FGF12: variants seen among roughly 807,000 people sequenced by gnomAD.
FGF12 encodes the protein fibroblast growth factor 12B.
FGF12 carries 14 observed loss-of-function variants against 23.6 expected under a neutral mutation model. The observed-to-expected ratio is 0.59, with a 90% CI of 0.39 to 0.93. FGF12 has a LOEUF of 0.93. Ranked by LOEUF, FGF12 falls within the 40% of genes least tolerant of loss-of-function variation. FGF12 has a pLI of 0.00. For missense variants in FGF12, 175 were observed against 217.8 expected (o/e 0.80, Z 1.24); for synonymous variants, 62 against 77.3 (o/e 0.80, Z 1.04).
chr3:192,326,903 C>T (rs887741796), intron 4 of FGF12, among the ~76,000 whole-genome samples: 5 of 152,128 alleles, frequency 3.3e-5, no homozygotes, highest in Admixed American at 3.3e-4. Context: ...TTTTGTCACT[C>T]AGCAATAATA....
chr3:192,235,174 G>T (rs868548654), intron 4 of FGF12, among the ~76,000 whole-genome samples: 3 of 152,122 alleles, frequency 2.0e-5, no homozygotes, highest in Middle Eastern at 3.4e-3. Flanking sequence ...CTGGTTCAGG[G>T]TATTTTTTAG....
At chr3:192,591,132 G>C (rs973252509) in intron 2 of FGF12, among the ~76,000 whole-genome samples, 2 of 151,170 alleles carry the variant, frequency 1.3e-5, no homozygotes, top group Non-Finnish European at 3.0e-5. Flanking sequence ...TGAAGAAGGC[G>C]GTATCTATGG....
intron 4 of FGF12, among the ~76,000 whole-genome samples, chr3:192,224,236 T>C (rs1298610011): frequency 6.6e-6 from 1 of 152,166 alleles, no homozygotes; most frequent in Non-Finnish European, 1.5e-5. Context: ...TTCTGTATTA[T>C]GATGATAGTG....
intron 4 of FGF12, among the ~76,000 whole-genome samples, chr3:192,222,444 A>AC (rs374520128): frequency 8.0e-4 from 122 of 152,232 alleles, no homozygotes; most frequent in African/African-American, 2.8e-3. Flanking sequence ...TTCCAGATTA[A>AC]TTTTTTCATT....
rs141276895 is a variant in FGF12, at chr3:192,713,556, A to G, written c.13+13625T>C. Among the ~76,000 whole-genome samples, 645 of 152,326 alleles carry G rather than the reference A, an allele frequency of 4.2e-3. 3 individuals are homozygous for G. The highest frequency in any genetic ancestry group is 0.015 in the African/African-American group (621 of 41,572). On this transcript the variant is annotated intron_variant, in intron 2 of 5. Coordinates refer to ENST00000445105, the MANE Select transcript of FGF12 (RefSeq NM_004113.6). Reference sequence around the variant, plus strand: ...CATTTCTGATGGAATTGAGTATCACAGGAGATTGCAGTGTGTTCCCCAACA... The same window carrying G: ...CATTTCTGATGGAATTGAGTATCACGGGAGATTGCAGTGTGTTCCCCAACA...
intron 2 of FGF12, among the ~76,000 whole-genome samples, chr3:192,403,021 C>T (rs1171358727): frequency 1.3e-5 from 2 of 152,084 alleles, no homozygotes; most frequent in African/African-American, 4.8e-5. Context: ...TAATTCTATA[C>T]ATCAAAAGCA....
intron 4 of FGF12, among the ~76,000 whole-genome samples, chr3:192,293,973 A>T (rs542997592): frequency 6.6e-6 from 1 of 152,148 alleles, no homozygotes; most frequent in East Asian, 1.9e-4. Context: ...CCCATTATTC[A>T]CTCAAGTTGT....
chr3:192,347,376 A>G (rs929397383), intron 3 of FGF12, among the ~76,000 whole-genome samples: 3 of 152,146 alleles, frequency 2.0e-5, no homozygotes, highest in African/African-American at 7.2e-5. Flanking sequence ...TTTTAACACA[A>G]TTACAATGCA....
intron 4 of FGF12, among the ~76,000 whole-genome samples, chr3:192,326,130 T>C (rs2108686772): frequency 6.6e-6 from 1 of 152,222 alleles, no homozygotes; most frequent in East Asian, 1.9e-4. Context: ...GAGATATTAA[T>C]CTATATTAGA....
chr3:192,354,386 G>T (rs149792106), intron 3 of FGF12, among the ~76,000 whole-genome samples: 350 of 151,688 alleles, frequency 2.3e-3, no homozygotes, highest in South Asian at 9.4e-3. Context: ...ATAAATAAAG[G>T]CTTTTTAAAT....
chr3:192,330,611 G>A (rs1717062414), intron 4 of FGF12, among the ~76,000 whole-genome samples: 1 of 152,082 alleles, frequency 6.6e-6, no homozygotes, highest in Non-Finnish European at 1.5e-5. Flanking sequence ...GCTGAGGCAG[G>A]AGAATCGCTT....
At chr3:192,542,585 A>C (rs1230246649) in intron 2 of FGF12, among the ~76,000 whole-genome samples, 4 of 152,062 alleles carry the variant, frequency 2.6e-5, no homozygotes, top group Admixed American at 6.6e-5. Context: ...CTGGGCATTG[A>C]AGAGTTGGGT....
intron 4 of FGF12, among the ~76,000 whole-genome samples, chr3:192,227,936 T>C (rs1718824786): frequency 6.6e-6 from 1 of 152,202 alleles, no homozygotes. Flanking sequence ...TTCTGTATTT[T>C]CTACAAGAGG....
At chr3:192,529,831 C>A (rs1160505012) in intron 2 of FGF12, among the ~76,000 whole-genome samples, 2 of 152,076 alleles carry the variant, frequency 1.3e-5, no homozygotes, top group Non-Finnish European at 2.9e-5. Flanking sequence ...AAAGACCCAC[C>A]CTCATGATTC....
intron 2 of FGF12, among the ~76,000 whole-genome samples, chr3:192,716,596 G>T (rs892009337): frequency 1.3e-5 from 2 of 152,134 alleles, no homozygotes. Context: ...AGGAATCTTA[G>T]GGATTTTAAG....
At chr3:192,569,621 A>T (rs1427682182) in intron 2 of FGF12, among the ~76,000 whole-genome samples, 1 of 152,218 alleles carries the variant, frequency 6.6e-6, no homozygotes, top group Non-Finnish European at 1.5e-5. Flanking sequence ...CTGAAGTAAG[A>T]TTTATCGCAG....
chr3:192,618,335 C>A (rs1714841908), intron 2 of FGF12, among the ~76,000 whole-genome samples: 1 of 151,966 alleles, frequency 6.6e-6, no homozygotes, highest in South Asian at 2.1e-4. Context: ...TGGTACAGGT[C>A]TCTAAGCTCA....
At chr3:192,266,243 G>A (rs1257738861) in intron 4 of FGF12, among the ~76,000 whole-genome samples, 1 of 152,032 alleles carries the variant, frequency 6.6e-6, no homozygotes, top group Non-Finnish European at 1.5e-5. Context: ...CTTGTACTTT[G>A]GTTATGTCTA....
At chr3:192,284,563 ATG>A in intron 4 of FGF12, among the ~76,000 whole-genome samples, 1 of 152,204 alleles carries the variant, frequency 6.6e-6, no homozygotes, top group African/African-American at 2.4e-5. Context: ...GAAGAACAAA[ATG>A]TATTGATCTA....
Sources: gnomAD v4.1 joint callset for allele counts (sites outside exome capture counted in the v4.1 genomes callset) on GRCh38, gnomAD v4.1.1 for gene constraint, MANE v1.5 for transcripts, NCBI Gene and HGNC (gene_info 2026-07-23, HGNC 2026-07-21) for gene names.